HECW2: variants seen among roughly 807,000 people sequenced by gnomAD.
HECW2 encodes the protein HECT, C2 and WW domain containing E3 ubiquitin protein ligase 2, also known as E3 ubiquitin-protein ligase HECW2.
Under a neutral mutation model 175.2 loss-of-function variants are expected in HECW2, and 61 were observed. The observed-to-expected ratio is 0.35, with a 90% CI of 0.28 to 0.43. The LOEUF (loss-of-function observed/expected upper bound fraction) is 0.43. HECW2 is among the 20% of genes least tolerant of loss of function. The pLI is 1.00. For synonymous variants in HECW2, 671 were observed against 731.0 expected, an observed-to-expected ratio of 0.92 and a Z score of 1.32; for missense variants, 1,524 against 2,000.5, an observed-to-expected ratio of 0.76 and a Z score of 4.54.
chr2:196,275,288 A>G (rs979365622), intron 15 of HECW2, among the ~76,000 whole-genome samples: 6 of 152,220 alleles, frequency 3.9e-5, no homozygotes, highest in African/African-American at 1.4e-4. Context: ...TTATTTGTCA[A>G]TTATACCTCA....
At chr2:196,224,058 C>G (rs2105826853) in intron 23 of HECW2, among the ~76,000 whole-genome samples, 1 of 152,158 alleles carries the variant, frequency 6.6e-6, no homozygotes, top group East Asian at 1.9e-4. Context: ...GGAAAAAGTA[C>G]CACAGGTGAT....
chr2:196,497,850 A>G (rs1687450875), intron 1 of HECW2, among the ~76,000 whole-genome samples: 1 of 152,262 alleles, frequency 6.6e-6, no homozygotes, highest in African/African-American at 2.4e-5. Context: ...AGAAGCATCT[A>G]GACAGACAGG....
rs184591869 is a variant in HECW2, at chr2:196,327,045, C to A, written c.572-1896G>T. On this transcript the variant is annotated intron_variant, in intron 5 of 28. Coordinates refer to ENST00000644978, the MANE Select transcript of HECW2 (RefSeq NM_001348768.2). ...TGATTATGTTGCCCTTGAACCCAGA[C>A]AGAAGAATGATATTCTTTATATATT... Among the ~76,000 whole-genome samples, 17 of 152,238 alleles carry A rather than the reference C, an allele frequency of 1.1e-4. 1 individual carries two copies. In the East Asian group the frequency reaches 3.1e-3, roughly 28 times the overall value.
intron 1 of HECW2, among the ~76,000 whole-genome samples, chr2:196,581,507 C>G (rs183266746): frequency 5.3e-5 from 8 of 152,044 alleles, no homozygotes; most frequent in Non-Finnish European, 1.5e-5. Flanking sequence ...GAACTCCAGC[C>G]TGGACGATAC....
rs529795069 is a variant in HECW2, at chr2:196,284,806, A to G, written c.3001-6144T>C. Among the ~76,000 whole-genome samples the G allele has an allele frequency of 2.6e-5, 4 of 152,328 alleles. No individual in the cohort carries two copies. In the South Asian group the frequency reaches 8.3e-4, roughly 32 times the overall value. On this transcript the variant is annotated intron_variant, in intron 14 of 28. Coordinates refer to ENST00000644978, the MANE Select transcript of HECW2 (RefSeq NM_001348768.2). ...AATTATTTATGTAAGTATCTATCACATATTAATAAATGCTGTCTAGAGTAG... is the reference window on the plus strand; with the variant it reads ...AATTATTTATGTAAGTATCTATCACGTATTAATAAATGCTGTCTAGAGTAG...
chr2:196,584,630 C>T (rs866200757), intron 1 of HECW2, among the ~76,000 whole-genome samples: 2 of 152,006 alleles, frequency 1.3e-5, no homozygotes, highest in South Asian at 2.1e-4. Flanking sequence ...GTTAAGCATT[C>T]CATTGCTGCT....
At chr2:196,353,770 T>C (rs1304888783) in intron 2 of HECW2, among the ~76,000 whole-genome samples, 3 of 152,204 alleles carry the variant, frequency 2.0e-5, no homozygotes, top group African/African-American at 7.2e-5. Context: ...CAACCAAATG[T>C]TGCCTTTTCC....
intron 21 of HECW2, among the ~76,000 whole-genome samples, chr2:196,235,220 C>T (rs962115147): frequency 8.6e-5 from 13 of 151,744 alleles, no homozygotes; most frequent in African/African-American, 3.1e-4. Context: ...GCCTCAGCCA[C>T]CCTAGAAGCT....
intron 2 of HECW2, among the ~76,000 whole-genome samples, chr2:196,392,763 CACT>C (rs756044367): frequency 2.0e-5 from 3 of 152,110 alleles, no homozygotes; most frequent in Non-Finnish European, 2.9e-5. Context: ...AAGAAACCAC[CACT>C]ATTTACATAC....
chr2:196,386,223 C>G (rs1230473451), intron 2 of HECW2, among the ~76,000 whole-genome samples: 4 of 152,076 alleles, frequency 2.6e-5, no homozygotes, highest in African/African-American at 9.7e-5. Context: ...GGACAGTAAA[C>G]AAGGAACATA....
chr2:196,503,712 A>C (rs1015758923), intron 1 of HECW2, among the ~76,000 whole-genome samples: 2 of 152,178 alleles, frequency 1.3e-5, no homozygotes, highest in African/African-American at 4.8e-5. Context: ...ACAAGAAAAA[A>C]GTGGAAAGCA....
At chr2:196,306,640 C>T in intron 12 of HECW2, 28 bp from the exon 13 acceptor site, 1 of 1,577,930 alleles carries the variant, frequency 6.3e-7, no homozygotes, top group African/African-American at 1.4e-5. Flanking sequence ...CAGAGGCGGT[C>T]AGGGAAATCT....
chr2:196,467,912 A>G (rs1158218505), intron 1 of HECW2, among the ~76,000 whole-genome samples: 1 of 152,266 alleles, frequency 6.6e-6, no homozygotes, highest in Admixed American at 6.5e-5. Context: ...TATAGAATAT[A>G]GCAACAGAGT....
chr2:196,312,089 C>T (rs73988154), intron 10 of HECW2, among the ~76,000 whole-genome samples: 1,659 of 152,288 alleles, frequency 0.011, 31 homozygotes, highest in African/African-American at 0.038. Context: ...GATCCCTCTG[C>T]TCATCTCATC....
chr2:196,331,748 G>C (rs1442963917), intron 4 of HECW2, among the ~76,000 whole-genome samples: 1 of 152,102 alleles, frequency 6.6e-6, no homozygotes, highest in Non-Finnish European at 1.5e-5. Flanking sequence ...CTGGCAAAAT[G>C]CTCATCTGAA....
At chr2:196,206,785 GT>G (rs1687083513) in intron 28 of HECW2, among the ~76,000 whole-genome samples, 2 of 152,186 alleles carry the variant, frequency 1.3e-5, no homozygotes, top group African/African-American at 4.8e-5. Context: ...TTGCCAAATT[GT>G]GAGCCCTAGC....
chr2:196,437,740 T>TC (rs1695922737), intron 1 of HECW2, among the ~76,000 whole-genome samples: 1 of 151,688 alleles, frequency 6.6e-6, no homozygotes, highest in South Asian at 2.1e-4. Flanking sequence ...GTCACAAAGC[T>TC]GATGAGTCAG....
intron 2 of HECW2, among the ~76,000 whole-genome samples, chr2:196,394,734 G>C (rs1257133958): frequency 6.6e-6 from 1 of 152,184 alleles, no homozygotes; most frequent in Non-Finnish European, 1.5e-5. Context: ...AAAAATGTCT[G>C]CCATTCATTG....
intron 16 of HECW2, among the ~76,000 whole-genome samples, chr2:196,271,639 T>A (rs1006509007): frequency 2.0e-5 from 3 of 152,154 alleles, no homozygotes; most frequent in African/African-American, 7.2e-5. Context: ...GCATGGTAGC[T>A]CACGCCTGTA....
Sources: allele counts gnomAD v4.1 joint callset (sites outside exome capture counted in the v4.1 genomes callset), GRCh38; gene constraint gnomAD v4.1.1; transcripts MANE v1.5; gene names NCBI Gene and HGNC (gene_info 2026-07-23, HGNC 2026-07-21).